Variants in SYNPR observed in about 807,000 individuals in gnomAD.
SYNPR encodes synaptoporin.
A neutral mutation model predicts 32.9 loss-of-function variants in SYNPR; 23 were observed. That is an observed-to-expected ratio of 0.70 (90% CI 0.50 to 0.99). The LOEUF (loss-of-function observed/expected upper bound fraction) is 0.99, where lower values mean the gene tolerates loss of function less well. Among genes scored for constraint, SYNPR ranks in the 50% least tolerant of loss-of-function variants. SYNPR has a pLI of 0.00. For synonymous variants in SYNPR, 146 were observed against 135.9 expected (o/e 1.07, Z -0.52); for missense variants, 318 against 349.3 (o/e 0.91, Z 0.71).
intron 4 of SYNPR, among the ~76,000 whole-genome samples, chr3:63,596,119 A>G (rs1262278184): frequency 6.7e-6 from 1 of 150,004 alleles, no homozygotes. Flanking sequence ...AGCATTAGGT[A>G]TATCTCCCTC....
chr3:63,331,564 G>T (rs2087229809), intron 2 of SYNPR, among the ~76,000 whole-genome samples: 1 of 151,964 alleles, frequency 6.6e-6, no homozygotes, highest in Admixed American at 6.5e-5. Flanking sequence ...ACGCTTTGAA[G>T]CTCATTCCAC....
chr3:63,540,217 AG>A (rs1489638747), intron 3 of SYNPR, among the ~76,000 whole-genome samples: 1 of 152,172 alleles, frequency 6.6e-6, no homozygotes. Context: ...CTTATGAAGT[AG>A]GTCATGTTAT....
At chr3:63,499,116 G>A (rs568717244) in intron 3 of SYNPR, among the ~76,000 whole-genome samples, 15 of 152,060 alleles carry the variant, frequency 9.9e-5, no homozygotes, top group Non-Finnish European at 1.8e-4. Context: ...GGCAACAGTT[G>A]ATGGTGGCTT....
chr3:63,579,552 A>G (rs1198955607), intron 4 of SYNPR, among the ~76,000 whole-genome samples: 1 of 152,132 alleles, frequency 6.6e-6, no homozygotes, highest in African/African-American at 2.4e-5. Flanking sequence ...AAGAACATAT[A>G]TTTGGCAAGG....
At chr3:63,476,290 GAA>G (rs1700916999) in intron 2 of SYNPR, among the ~76,000 whole-genome samples, 1 of 39,568 alleles carries the variant, frequency 2.5e-5, no homozygotes. Flanking sequence ...GGAAGGAAGG[GAA>G]GGGAGGGAAG....
At chr3:63,545,352 A>G (rs1405222151) in intron 3 of SYNPR, 1 of 152,132 alleles carries the variant, frequency 6.6e-6, no homozygotes, top group Non-Finnish European at 1.5e-5. Context: ...GAAACCTAAT[A>G]AGAATCTAAC....
At chr3:63,553,803 C>A (rs982361379) in intron 3 of SYNPR, among the ~76,000 whole-genome samples, 6 of 152,272 alleles carry the variant, frequency 3.9e-5, no homozygotes, top group Middle Eastern at 3.4e-3. Flanking sequence ...CTCATCGCAA[C>A]CTCCGCCTCC....
intron 2 of SYNPR, among the ~76,000 whole-genome samples, chr3:63,471,995 A>C (rs1700809416): frequency 6.6e-6 from 1 of 151,844 alleles, no homozygotes. Context: ...TGCCAGACTA[A>C]CTCCCTCCCC....
chr3:63,479,446 G>GCGCGCGCACACACACA (rs6147854), intron 2 of SYNPR, among the ~76,000 whole-genome samples: 3,636 of 135,798 alleles, frequency 0.027, 54 homozygotes, highest in East Asian at 0.049. Flanking sequence ...CCACACACAT[G>GCGCGCGCACACACACA]CACACACACA....
chr3:63,568,576 T>C (rs141486391), intron 4 of SYNPR, among the ~76,000 whole-genome samples: 38 of 152,304 alleles, frequency 2.5e-4, no homozygotes, highest in African/African-American at 8.4e-4. Flanking sequence ...CCTCTTGAAT[T>C]TCTCTATGAA....
At chr3:63,545,554 A>G (rs1028311988) in intron 3 of SYNPR, 15 of 152,130 alleles carry the variant, frequency 9.9e-5, no homozygotes, top group African/African-American at 3.1e-4. Context: ...CCTAACATAC[A>G]GAACAGCACA....
intron 3 of SYNPR, among the ~76,000 whole-genome samples, chr3:63,535,306 C>T (rs142584553): frequency 0.012 from 1,798 of 152,008 alleles, 36 homozygotes; most frequent in African/African-American, 0.042. Flanking sequence ...ATATGACTTC[C>T]AAGAAATTTT....
intron 2 of SYNPR, among the ~76,000 whole-genome samples, chr3:63,391,368 G>A (rs928294396): frequency 6.6e-6 from 1 of 152,148 alleles, no homozygotes; most frequent in Non-Finnish European, 1.5e-5. Flanking sequence ...CAAGTAATGG[G>A]CATCCACTGA....
chr3:63,390,994 T>C (rs998958445), intron 2 of SYNPR, among the ~76,000 whole-genome samples: 5 of 152,218 alleles, frequency 3.3e-5, no homozygotes, highest in Non-Finnish European at 7.3e-5. Flanking sequence ...TGCAGGGCCG[T>C]AGTAAGTCCT....
intron 4 of SYNPR, among the ~76,000 whole-genome samples, chr3:63,565,843 C>A (rs928170110): frequency 2.6e-5 from 4 of 152,122 alleles, no homozygotes; most frequent in Non-Finnish European, 5.9e-5. Context: ...TACCTGTCAC[C>A]GTGTTCATTC....
chr3:63,219,170 T>C, the SYNPR span, among the ~76,000 whole-genome samples: 2 of 152,316 alleles, frequency 1.3e-5, no homozygotes, highest in East Asian at 3.9e-4. Context: ...GAAATGGGTA[T>C]TGACATTTTA....
At position 63,615,531 on chromosome 3, in the gene SYNPR, A is replaced by G. The variant is rs1700267836; in HGVS notation, c.*50A>G. 2.5e-6 allele frequency: 4 copies of G among 1,570,468 alleles called. No individual in the cohort carries two copies. The highest frequency in any genetic ancestry group is 1.7e-4 in the Middle Eastern group (1 of 5,836). ...CAGTCGCCTCACCATCTTCCATTTC[A>G]GTGGCAGAAGAATTTTTTAAGGGTT... is the stretch of plus-strand genomic sequence containing the variant. On this transcript the variant is annotated 3_prime_UTR_variant, in exon 6 of 6. Coordinates refer to ENST00000478300, the MANE Select transcript of SYNPR (RefSeq NM_001130003.2).
chr3:63,392,591 A>T (rs2088152744), intron 2 of SYNPR, among the ~76,000 whole-genome samples: 1 of 152,176 alleles, frequency 6.6e-6, no homozygotes, highest in Non-Finnish European at 1.5e-5. Flanking sequence ...TGCTGAACAC[A>T]CAGAAAGCAG....
rs78582551 is a variant in SYNPR, at chr3:63,507,412, T to C, written c.209+26456T>C. 2.0e-4 allele frequency among the ~76,000 whole-genome samples: 30 copies of C among 152,292 alleles called. No homozygotes were observed. In the East Asian group the frequency reaches 4.8e-3, roughly 25 times the overall value. The stretch of plus-strand genomic sequence containing the variant: ...TCAGACAAATCATATTGAGAGATAT[T>C]CTGTGAAGTAACAGACAATCTGTGA... On this transcript the variant is annotated intron_variant, in intron 3 of 5. Coordinates refer to ENST00000478300, the MANE Select transcript of SYNPR (RefSeq NM_001130003.2).
Sources: allele counts gnomAD v4.1 joint callset (sites outside exome capture counted in the v4.1 genomes callset), GRCh38; gene constraint gnomAD v4.1.1; transcripts MANE v1.5; gene names NCBI Gene and HGNC (gene_info 2026-07-23, HGNC 2026-07-21).